NRCAM: variants seen among roughly 807,000 people sequenced by gnomAD.
NRCAM encodes NgCAM-related cell adhesion molecule.
In NRCAM, 83 loss-of-function variants were observed where a neutral mutation model predicts 156.5. That is an observed-to-expected ratio of 0.53 (90% CI 0.44 to 0.64). The LOEUF is 0.64. NRCAM is among the 30% of genes least tolerant of loss of function. NRCAM has a pLI of 0.00. For synonymous variants in NRCAM, 538 were observed against 563.9 expected (o/e 0.95, Z 0.65); for missense variants, 1,417 against 1,597.3 (o/e 0.89, Z 1.92).
chr7:108,292,359 A>C (rs2098327141), intron 3 of NRCAM, among the ~76,000 whole-genome samples: 1 of 152,198 alleles, frequency 6.6e-6, no homozygotes, highest in Non-Finnish European at 1.5e-5. Context: ...CTTGTGAAAA[A>C]ACGGTTTAGA....
Position 108,422,699 on chromosome 7 carries a change from G to T in NRCAM, c.-331-23106C>A, listed in dbSNP as rs1811716484. Among the ~76,000 whole-genome samples the T allele has an allele frequency of 1.3e-5, 2 of 152,168 alleles. 1 individual carries two copies. The highest frequency in any genetic ancestry group is 1.3e-4 in the Admixed American group (2 of 15,264). ...ACCCCCATAAAGAAAGTCCTACTAA[G>T]AACAGTGCCAGGCATTGAGAAGGTG... is the stretch of plus-strand genomic sequence containing the variant. On this transcript the variant is annotated intron_variant, in intron 1 of 32. Transcript: ENST00000379028.
intron 11 of NRCAM, among the ~76,000 whole-genome samples, chr7:108,210,163 T>C (rs2083308506): frequency 6.6e-6 from 1 of 152,116 alleles, no homozygotes; most frequent in Non-Finnish European, 1.5e-5. Flanking sequence ...AGTTTCATTA[T>C]TAGTGACATT....
intron 1 of NRCAM, among the ~76,000 whole-genome samples, chr7:108,442,931 T>C (rs954422087): frequency 6.7e-6 from 1 of 150,270 alleles, no homozygotes; most frequent in Non-Finnish European, 1.5e-5. Context: ...TAATTCAAAA[T>C]TGTTTCCTGC....
chr7:108,273,106 C>G (rs1419764678), intron 3 of NRCAM, among the ~76,000 whole-genome samples: 1 of 152,150 alleles, frequency 6.6e-6, no homozygotes, highest in Non-Finnish European at 1.5e-5. Flanking sequence ...CATAGCATTC[C>G]ATGGTATACA....
chr7:108,259,464 A>G (rs1021091077), intron 3 of NRCAM, among the ~76,000 whole-genome samples: 1 of 152,204 alleles, frequency 6.6e-6, no homozygotes, highest in Non-Finnish European at 1.5e-5. Flanking sequence ...AACCAGAAAT[A>G]CCATTTGACC....
chr7:108,356,173 T>C (rs1443324797), intron 2 of NRCAM, among the ~76,000 whole-genome samples: 1 of 152,178 alleles, frequency 6.6e-6, no homozygotes, highest in Non-Finnish European at 1.5e-5. Flanking sequence ...GGTCTCGAAC[T>C]CCTGACCTCG....
chr7:108,248,809 G>A (rs1016050716), intron 3 of NRCAM, among the ~76,000 whole-genome samples: 19 of 152,320 alleles, frequency 1.2e-4, no homozygotes, highest in Non-Finnish European at 2.5e-4. Flanking sequence ...TGGGGTGTGG[G>A]TGGAATATTT....
At chr7:108,209,700 T>G (rs1281349430) in intron 11 of NRCAM, 95 bp from the exon 12 acceptor site, 5 of 862,628 alleles carry the variant, frequency 5.8e-6, no homozygotes, top group Admixed American at 2.7e-5. Context: ...AACAAATCTT[T>G]ATTAAAAAAT....
At chr7:108,400,990 T>A (rs761135684) in intron 1 of NRCAM, among the ~76,000 whole-genome samples, 2 of 152,192 alleles carry the variant, frequency 1.3e-5, no homozygotes, top group African/African-American at 4.8e-5. Context: ...CCAGGTCCAG[T>A]GGCTCACGCC....
intron 2 of NRCAM, among the ~76,000 whole-genome samples, chr7:108,392,847 T>C (rs901245819): frequency 3.9e-5 from 6 of 152,196 alleles, no homozygotes; most frequent in Non-Finnish European, 8.8e-5. Context: ...CAGACCCTGT[T>C]TGCCTGGGTA....
Position 108,332,705 on chromosome 7 carries a change from C to T in NRCAM, c.-173-19974G>A, listed in dbSNP as rs921215660. ...TATATATTTACAACACTTTATATAG[C>T]GCCTCTTTATGGCTACTAATGTACA... On this transcript the variant is annotated intron_variant, in intron 2 of 32. Coordinates refer to ENST00000379028, the MANE Select transcript of NRCAM (RefSeq NM_001037132.4). Among the ~76,000 whole-genome samples, 32 of 152,262 alleles carry T rather than the reference C, an allele frequency of 2.1e-4. 1 individual carries two copies. The highest frequency in any genetic ancestry group is 7.2e-4 in the African/African-American group (30 of 41,572).
At chr7:108,456,171 T>G (rs1356204124) in intron 1 of NRCAM, 72 bp downstream of exon 1, 4 of 152,120 alleles carry the variant, frequency 2.6e-5, no homozygotes, top group African/African-American at 9.7e-5. Flanking sequence ...GCCTCGCGCG[T>G]CCTCCTCCGC....
chr7:108,446,193 CT>C (rs1316648848), intron 1 of NRCAM, among the ~76,000 whole-genome samples: 2 of 152,180 alleles, frequency 1.3e-5, no homozygotes, highest in South Asian at 2.1e-4. Flanking sequence ...TCATTTAGAC[CT>C]CCGCAGCAGA....
At chr7:108,367,479 C>T (rs565752856) in intron 2 of NRCAM, among the ~76,000 whole-genome samples, 1 of 152,262 alleles carries the variant, frequency 6.6e-6, no homozygotes, top group Admixed American at 6.5e-5. Flanking sequence ...AAAGCAACCA[C>T]TAACATATTT....
In NRCAM at chr7:108,237,870, T is replaced by C. The variant is rs2095229751; in HGVS notation, c.107-101A>G. On this transcript the variant is annotated intron_variant, in intron 4 of 32. Transcript: ENST00000379028. The stretch of plus-strand genomic sequence containing the variant: ...TAGAACTCTGAAGATAAAGGGGGCA[T>C]CTTGTCTATTTGATTTGATCTAAGA... The C allele has an allele frequency of 9.9e-6, 8 of 809,432 alleles. No homozygotes were observed. In the South Asian group the frequency reaches 2.0e-4, roughly 20 times the overall value. 50.1% of individuals were successfully genotyped at this position (809,432 alleles called of 1,614,324 possible).
chr7:108,445,652 A>T (rs1228450963), intron 1 of NRCAM, among the ~76,000 whole-genome samples: 1 of 152,094 alleles, frequency 6.6e-6, no homozygotes, highest in South Asian at 2.1e-4. Context: ...TCTATTTTCT[A>T]AATAAAGAAA....
intron 2 of NRCAM, among the ~76,000 whole-genome samples, chr7:108,359,043 T>C (rs897897854): frequency 3.3e-5 from 5 of 152,338 alleles, no homozygotes; most frequent in Middle Eastern, 3.4e-3. Context: ...TCTAGTTCAT[T>C]ACACCTTTTA....
In NRCAM at chr7:108,255,985, T is replaced by C. The variant is rs1174539684; in HGVS notation, c.-106-15815A>G. Reference sequence around the variant, plus strand: ...GGGGGGCAGCCCCCGCCCGGCCAGCTGCCCCGTCCGGGAGGGAGGTGGGGG... The same window carrying C: ...GGGGGGCAGCCCCCGCCCGGCCAGCCGCCCCGTCCGGGAGGGAGGTGGGGG... On this transcript the variant is annotated intron_variant, in intron 3 of 32. Transcript: ENST00000379028. Among the ~76,000 whole-genome samples the C allele has an allele frequency of 4.3e-4, 48 of 112,026 alleles. No individual in the cohort carries two copies. In the East Asian group the frequency reaches 7.3e-3, roughly 17 times the overall value. 73.5% of individuals were successfully genotyped at this position (112,026 alleles called of 152,430 possible).
chr7:108,324,493 C>T (rs1238320546), intron 2 of NRCAM, among the ~76,000 whole-genome samples: 1 of 152,092 alleles, frequency 6.6e-6, no homozygotes, highest in Admixed American at 6.5e-5. Context: ...TGGGTGTAGT[C>T]AAATCAGCAA....
Sources: allele counts gnomAD v4.1 joint callset (sites outside exome capture counted in the v4.1 genomes callset), GRCh38; gene constraint gnomAD v4.1.1; transcripts MANE v1.5; gene names NCBI Gene and HGNC (gene_info 2026-07-23, HGNC 2026-07-21).